The following CAPN13 variants were observed in gnomAD, a reference collection of about 807,000 sequenced individuals.
CAPN13 encodes calpain-13.
In CAPN13, 90 loss-of-function variants were observed where a neutral mutation model predicts 98.4. That is an observed-to-expected ratio of 0.92 (90% confidence interval 0.77 to 1.09). The LOEUF (loss-of-function observed/expected upper bound fraction) is 1.09, where lower values mean the gene tolerates loss of function less well. CAPN13 is among the 50% of genes least tolerant of loss of function. CAPN13 has a pLI of 0.00. For missense variants in CAPN13, 887 were observed against 841.3 expected (o/e 1.05, Z -0.67); for synonymous variants, 330 against 305.5 (o/e 1.08, Z -0.84).
chr2:30,750,012 T>G (rs1358515590), intron 11 of CAPN13, among the ~76,000 whole-genome samples: 1 of 152,256 alleles, frequency 6.6e-6, no homozygotes, highest in Non-Finnish European at 1.5e-5. Context: ...GGCATGTGAC[T>G]GTGCATTGCA....
At chr2:30,727,211 A>G (rs548145295) in intron 22 of CAPN13, among the ~76,000 whole-genome samples, 1 of 152,348 alleles carries the variant, frequency 6.6e-6, no homozygotes, top group African/African-American at 2.4e-5. Context: ...CCTAAATGTA[A>G]GAGCTAAACT....
chr2:30,749,230 A>C (rs760073302), intron 11 of CAPN13, among the ~76,000 whole-genome samples: 65 of 152,366 alleles, frequency 4.3e-4, no homozygotes, highest in Middle Eastern at 3.4e-3. Context: ...GAACACCAAC[A>C]TGATACTCAA....
At position 30,734,553 on chromosome 2, in the gene CAPN13, G is replaced by A. The variant is rs775150505; in HGVS notation, c.1723-29C>T. ...ATAGGGGAAGAGAAGCAAGAAGTCT[G>A]TGTGAAGACTGGGAAGGTCTGGATA... is the stretch of plus-strand genomic sequence containing the variant. On this transcript the variant is annotated intron_variant, in intron 18 of 22. Coordinates refer to ENST00000295055, the MANE Select transcript of CAPN13 (RefSeq NM_144575.3). 1.3e-5 allele frequency: 21 copies of A among 1,569,528 alleles called. No individual in the cohort carries two copies. In the South Asian group the frequency reaches 1.6e-4, roughly 12 times the overall value.
chr2:30,732,857 C>G (rs373814296), intron 19 of CAPN13, among the ~76,000 whole-genome samples: 5 of 152,288 alleles, frequency 3.3e-5, no homozygotes, highest in African/African-American at 1.2e-4. Context: ...TGCTGGGACA[C>G]CTGGGGGTTG....
chr2:30,751,283 G>T, intron 10 of CAPN13, 32 bp from the exon 11 acceptor site: 1 of 1,609,636 alleles, frequency 6.2e-7, no homozygotes. Context: ...CTAGAGCTCA[G>T]CTCCACTCCT....
chr2:30,774,548 A>G (rs544127118), intron 4 of CAPN13, among the ~76,000 whole-genome samples: 2 of 152,204 alleles, frequency 1.3e-5, no homozygotes, highest in Non-Finnish European at 2.9e-5. Context: ...GTGGCAATAT[A>G]TTTGAAAATA....
At chr2:30,759,570 T>C (rs1192328026) in intron 7 of CAPN13, among the ~76,000 whole-genome samples, 1 of 152,210 alleles carries the variant, frequency 6.6e-6, no homozygotes, top group Non-Finnish European at 1.5e-5. Context: ...AGGACAAGTC[T>C]GAATAGAATA....
rs1250570824 is a variant in CAPN13 at position 30,777,561 on chromosome 2, T to C, written c.271+6A>G. 3 of 1,569,674 alleles carry C rather than the reference T, an allele frequency of 1.9e-6. No homozygotes were observed. The highest frequency in any genetic ancestry group is 1.9e-5 in the Admixed American group (1 of 53,644). On this transcript the variant is annotated splice_donor_region_variant and intron_variant, in intron 3 of 22. Transcript: ENST00000295055. ...AGGGCACGGAGGGAAGATGTTGCAC[T>C]CTTACCTGCGCCTCCTTGTTGGATG...
At position 30,732,499 on chromosome 2, in the gene CAPN13, G is replaced by T; in HGVS notation, c.1866C>A (p.Ser622Arg). ...GGCTGGGGAAGCTGACCCTGCCGAC[G>T]CTGTCGCTGTACCTGAGGGTCACCA... Reference protein sequence around the residue: ...LHLVTLRYSDSVGRVSFPSLV... With the variant: ...LHLVTLRYSDRVGRVSFPSLV... The change falls in exon 20 of 23, where the codon AGC (serine) becomes AGA (arginine). Residue 622 changes from serine to arginine, a missense_variant. By Grantham distance (110) the Ser-to-Arg change is moderately radical. Transcript: ENST00000295055. The T allele has an allele frequency of 1.2e-6, 2 of 1,612,704 alleles. No individual in the cohort carries two copies. Among genetic ancestry groups the T allele is most frequent in the Non-Finnish European group, 8.5e-7 (1 of 1,179,398 alleles).
intron 9 of CAPN13, 76 bp downstream of exon 9, chr2:30,754,214 T>A: frequency 3.4e-6 from 4 of 1,170,498 alleles, no homozygotes; most frequent in Non-Finnish European, 4.7e-6. Flanking sequence ...TTCGTAAATG[T>A]TCAGGGAAAA....
chr2:30,736,366 T>C (rs147982270), intron 18 of CAPN13, 137 bp downstream of exon 18: 9,886 of 802,928 alleles, frequency 0.012, 190 homozygotes, highest in Admixed American at 0.067. Flanking sequence ...CCAAACAACA[T>C]GTGAGCTCTC....
chr2:30,751,135 C>A lies in CAPN13; in HGVS notation c.1204G>T (p.Ala402Ser). 6.2e-7 allele frequency: 1 copy of A among 1,613,852 alleles called. No homozygotes were observed. The highest frequency in any genetic ancestry group is 1.7e-5 in the Admixed American group (1 of 60,002). The change falls in exon 11 of 23, where the codon GCA (alanine) becomes TCA (serine). Residue 402 changes from alanine (A) to serine (S), a missense_variant. By Grantham distance (99) the Ala-to-Ser change is moderately conservative. Coordinates refer to ENST00000295055, the MANE Select transcript of CAPN13 (RefSeq NM_144575.3). ...ACTTGGAAATCGAGTGGAAATTTTG[C>A]ATCTTCTGCTTTCAAATTTGATGGT... ...VTPSNLKAED[A>S]KFPLDFQVIL...
At position 30,797,717 on chromosome 2, in the gene CAPN13, A is replaced by C. The variant is rs574959894; in HGVS notation, c.-33+9585T>G. On this transcript the variant is annotated intron_variant, in intron 1 of 22. Coordinates refer to ENST00000295055, the MANE Select transcript of CAPN13 (RefSeq NM_144575.3). ...CCTGCCAGTCACCTCTGAACTCCCA[A>C]CCTCGGGTCTCTCCAGGTTCCAGAG... is the stretch of plus-strand genomic sequence containing the variant. Among the ~76,000 whole-genome samples, 283 of 152,126 alleles carry C rather than the reference A, an allele frequency of 1.9e-3. 1 individual carries two copies. The highest frequency in any genetic ancestry group is 2.2e-3 in the Non-Finnish European group (149 of 67,972).
At position 30,731,232 on chromosome 2, in the gene CAPN13, C is replaced by T. The variant is rs546810514; in HGVS notation, c.1983+112G>A. 9.6e-4 allele frequency: 883 copies of T among 921,546 alleles called. 5 individuals carry two copies. The African/African-American group carries it at 0.013, about 14-fold the overall frequency. 57.1% of individuals were successfully genotyped at this position (921,546 alleles called of 1,614,324 possible). On this transcript the variant is annotated intron_variant, in intron 21 of 22. Coordinates refer to ENST00000295055, the MANE Select transcript of CAPN13 (RefSeq NM_144575.3). ...ATTGGAGGTTGGGGGGACAGCTTGG[C>T]TGGCCTTTGACAGACCGTTCAATAT...
At chr2:30,778,230 T>C (rs1673801477) in intron 2 of CAPN13, among the ~76,000 whole-genome samples, 1 of 152,194 alleles carries the variant, frequency 6.6e-6, no homozygotes, top group South Asian at 2.1e-4. Flanking sequence ...TGGTACTCAG[T>C]GCCCGGTCCT....
chr2:30,790,541 G>A (rs138326045), intron 1 of CAPN13, among the ~76,000 whole-genome samples: 27 of 152,262 alleles, frequency 1.8e-4, no homozygotes, highest in Non-Finnish European at 7.4e-5. Context: ...CAGGAGCCGT[G>A]GCTTAGGGCT....
chr2:30,758,819 C>CCCTT (rs1164454578), intron 7 of CAPN13, among the ~76,000 whole-genome samples: 20 of 83,350 alleles, frequency 2.4e-4, no homozygotes, highest in Non-Finnish European at 2.3e-4. Context: ...TTCCCTTCCT[C>CCCTT]CCTTCCTTCC....
At chr2:30,780,776 C>T (rs1049708559) in intron 2 of CAPN13, among the ~76,000 whole-genome samples, 4 of 151,992 alleles carry the variant, frequency 2.6e-5, no homozygotes, top group Admixed American at 6.6e-5. Context: ...GACCAATAAT[C>T]GAAAAAGAGA....
At chr2:30,787,864 CTGTT>C (rs1558340869) in intron 1 of CAPN13, among the ~76,000 whole-genome samples, 9 of 152,134 alleles carry the variant, frequency 5.9e-5, no homozygotes, top group African/African-American at 2.2e-4. Context: ...CTCTGCAGGG[CTGTT>C]AAAGAGGTGG....
Sources: gnomAD v4.1 joint callset for allele counts (sites outside exome capture counted in the v4.1 genomes callset) on GRCh38, gnomAD v4.1.1 for gene constraint, MANE v1.5 for transcripts, NCBI Gene and HGNC (gene_info 2026-07-23, HGNC 2026-07-21) for gene names.